The following ACVR2A variants were observed in gnomAD, a reference collection of about 807,000 sequenced individuals.
ACVR2A encodes activin A receptor type 2A, also known as activin receptor type-2A.
ACVR2A carries 7 observed loss-of-function variants against 61.4 expected under a neutral mutation model. The ratio of observed to expected loss-of-function variants is 0.11; its 90% confidence interval spans 0.06 to 0.21. ACVR2A has a LOEUF of 0.21. ACVR2A is among the 10% of genes least tolerant of loss of function. The pLI is 1.00. For synonymous variants in ACVR2A, 193 were observed against 208.3 expected, an observed-to-expected ratio of 0.93 and a Z score of 0.63; for missense variants, 322 against 621.7, an observed-to-expected ratio of 0.52 and a Z score of 5.13.
In ACVR2A at chr2:147,927,518, G is replaced by C. The variant is rs1687531965; in HGVS notation, c.*244G>C. 1 of 358,392 alleles carries C rather than the reference G, an allele frequency of 2.8e-6. No individual in the cohort carries two copies. The highest frequency in any genetic ancestry group is 4.9e-6 in the Non-Finnish European group (1 of 202,274). The allele number at this position is 358,392 out of a possible 1,614,324, so 22.2% of individuals were successfully genotyped here. On this transcript the variant is annotated 3_prime_UTR_variant, in exon 11 of 11. Transcript: ENST00000241416. ...ACTCTATAAAGAAACTTTTGAAAAA[G>C]TGTACATGAAGAATGTAGCCCTCTC...
At chr2:147,896,888 G>T (rs1686749675) in intron 2 of ACVR2A, 1 of 160,746 alleles carries the variant, frequency 6.2e-6, no homozygotes, top group African/African-American at 2.4e-5. Context: ...ACTTAATCAT[G>T]TGTTTAATTT....
chr2:147,879,160 T>C (rs895811188), intron 1 of ACVR2A, among the ~76,000 whole-genome samples: 6 of 152,210 alleles, frequency 3.9e-5, no homozygotes, highest in Admixed American at 2.0e-4. Context: ...TGGTGATAAC[T>C]GTTTTTCAAC....
At chr2:147,909,296 C>T (rs1687061397) in intron 4 of ACVR2A, among the ~76,000 whole-genome samples, 1 of 152,134 alleles carries the variant, frequency 6.6e-6, no homozygotes, top group Non-Finnish European at 1.5e-5. Context: ...GTTGATTAGT[C>T]CTTCTGTCCT....
intron 1 of ACVR2A, among the ~76,000 whole-genome samples, chr2:147,889,902 T>C (rs1686541341): frequency 1.3e-5 from 2 of 151,726 alleles, no homozygotes; most frequent in South Asian, 4.2e-4. Context: ...AGAACTATTA[T>C]ATAAATTAAC....
chr2:147,896,652 A>T, intron 2 of ACVR2A, 144 bp downstream of exon 2: 1 of 679,158 alleles, frequency 1.5e-6, no homozygotes, highest in Admixed American at 2.8e-5. Context: ...ACATTATAAC[A>T]TGCTGTAATG....
chr2:147,846,653 T>C (rs763717792), intron 1 of ACVR2A, among the ~76,000 whole-genome samples: 1 of 152,148 alleles, frequency 6.6e-6, no homozygotes, highest in Non-Finnish European at 1.5e-5. Context: ...GACAGTTCTT[T>C]TTGTGCACGG....
intron 1 of ACVR2A, among the ~76,000 whole-genome samples, chr2:147,858,141 G>A (rs1382171049): frequency 3.3e-5 from 5 of 152,166 alleles, no homozygotes; most frequent in South Asian, 2.1e-4. Context: ...ACGTGCTCTC[G>A]TTTGCTTTTA....
At chr2:147,854,006 G>T (rs993518111) in intron 1 of ACVR2A, among the ~76,000 whole-genome samples, 1 of 152,068 alleles carries the variant, frequency 6.6e-6, no homozygotes, top group Admixed American at 6.5e-5. Flanking sequence ...GTCCAGAGTA[G>T]ATCTTACATA....
chr2:147,889,449 A>G (rs1257364062), intron 1 of ACVR2A, among the ~76,000 whole-genome samples: 2 of 152,156 alleles, frequency 1.3e-5, no homozygotes, highest in South Asian at 2.1e-4. Context: ...ATTTTCTCAT[A>G]GAAGTAGACT....
At chr2:147,892,241 A>ATG (rs1686605513) in intron 1 of ACVR2A, among the ~76,000 whole-genome samples, 1 of 152,040 alleles carries the variant, frequency 6.6e-6, no homozygotes, top group African/African-American at 2.4e-5. Flanking sequence ...AAGTGCTGGC[A>ATG]TTACAGATGT....
At chr2:147,879,893 A>C (rs7560502) in intron 1 of ACVR2A, among the ~76,000 whole-genome samples, 21,750 of 152,186 alleles carry the variant, frequency 0.14, 1,918 homozygotes, top group Middle Eastern at 0.23. Context: ...CCTTCCAGTG[A>C]TACTCACATT....
At chr2:147,883,618 T>G (rs546993434) in intron 1 of ACVR2A, among the ~76,000 whole-genome samples, 1 of 152,232 alleles carries the variant, frequency 6.6e-6, no homozygotes, top group Admixed American at 6.5e-5. Flanking sequence ...TGAAAAAAAC[T>G]GTTGGTGATT....
intron 1 of ACVR2A, among the ~76,000 whole-genome samples, chr2:147,874,188 T>C (rs1175100109): frequency 6.6e-6 from 1 of 151,926 alleles, no homozygotes; most frequent in Non-Finnish European, 1.5e-5. Flanking sequence ...TAAGAGCTCA[T>C]GCACTTAACT....
At chr2:147,879,057 C>T in intron 1 of ACVR2A, among the ~76,000 whole-genome samples, 1 of 152,088 alleles carries the variant, frequency 6.6e-6, no homozygotes. Context: ...GTTTTTCAAA[C>T]TTACTAAATG....
At chr2:147,918,210 G>A (rs4972315) in intron 6 of ACVR2A, among the ~76,000 whole-genome samples, 145,773 of 151,358 alleles carry the variant, frequency 0.96, 70,440 homozygotes, top group East Asian at 1. Context: ...ATTGGTGGAA[G>A]TTGACTATTC....
chr2:147,896,670 A>G lies in ACVR2A; in HGVS notation c.263+162A>G. The stretch of plus-strand genomic sequence containing the variant: ...TTATAACATGCTGTAATGACAGTAT[A>G]TTTTAAAGTAATAAACATGGCATAT... On this transcript the variant is annotated intron_variant, in intron 2 of 10. Coordinates refer to ENST00000241416, the MANE Select transcript of ACVR2A (RefSeq NM_001616.5). 7 of 626,506 alleles carry G rather than the reference A, an allele frequency of 1.1e-5. No individual in the cohort carries two copies. The South Asian group carries it at 1.5e-4, about 13-fold the overall frequency. The allele number at this position is 626,506 out of a possible 1,614,324, so 38.8% of individuals were successfully genotyped here.
intron 5 of ACVR2A, among the ~76,000 whole-genome samples, chr2:147,916,736 C>T (rs936240730): frequency 2.0e-5 from 3 of 151,874 alleles, no homozygotes; most frequent in Non-Finnish European, 4.4e-5. Flanking sequence ...GGATTGCTTG[C>T]AGGCACAAGT....
intron 1 of ACVR2A, among the ~76,000 whole-genome samples, chr2:147,853,272 C>T (rs1685490832): frequency 6.6e-6 from 1 of 152,082 alleles, no homozygotes; most frequent in Non-Finnish European, 1.5e-5. Context: ...CTTAAAGAGG[C>T]AGACACTGTA....
At chr2:147,916,275 A>G (rs911487148) in intron 5 of ACVR2A, among the ~76,000 whole-genome samples, 1 of 151,818 alleles carries the variant, frequency 6.6e-6, no homozygotes, top group Non-Finnish European at 1.5e-5. Flanking sequence ...GCCAAGATTC[A>G]TAAATAAGAT....
Sources: allele counts gnomAD v4.1 joint callset (sites outside exome capture counted in the v4.1 genomes callset), GRCh38; gene constraint gnomAD v4.1.1; transcripts MANE v1.5; gene names NCBI Gene and HGNC (gene_info 2026-07-23, HGNC 2026-07-21).